Variants in TIPARP observed in about 807,000 individuals in gnomAD.
TIPARP encodes TCDD inducible poly(ADP-ribose) polymerase.
A neutral mutation model predicts 56.5 loss-of-function variants in TIPARP; 12 were observed. That is an observed-to-expected ratio of 0.21 (90% confidence interval 0.14 to 0.34). TIPARP has a LOEUF of 0.34. Ranked by LOEUF, TIPARP falls within the 10% of genes least tolerant of loss-of-function variation. TIPARP has a pLI of 1.00. For missense variants in TIPARP, 604 were observed against 781.6 expected (o/e 0.77, Z 2.71); for synonymous variants, 296 against 265.7 (o/e 1.11, Z -1.11).
chr3:156,704,162 G>A (rs1722921830), intron 5 of TIPARP, among the ~76,000 whole-genome samples: 1 of 152,098 alleles, frequency 6.6e-6, no homozygotes, highest in Non-Finnish European at 1.5e-5. Flanking sequence ...GACATAAGTA[G>A]GATTATTACA....
chr3:156,675,356 G>A (rs889942035), intron 1 of TIPARP: 2 of 152,432 alleles, frequency 1.3e-5, no homozygotes, highest in Non-Finnish European at 2.9e-5. Context: ...GCTCAGTTCT[G>A]CGAGCCCCCA....
chr3:156,689,727 A>C (rs1189857224), intron 2 of TIPARP, among the ~76,000 whole-genome samples: 1 of 152,190 alleles, frequency 6.6e-6, no homozygotes, highest in Non-Finnish European at 1.5e-5. Context: ...TCCCACATGA[A>C]CTGGGTGTGC....
At chr3:156,677,463 C>T (rs944583280) in intron 1 of TIPARP, among the ~76,000 whole-genome samples, 194 bp from the exon 2 acceptor site, 4 of 152,180 alleles carry the variant, frequency 2.6e-5, no homozygotes, top group Non-Finnish European at 5.9e-5. Flanking sequence ...CTGCTGTGTG[C>T]TTTTGAATAG....
Position 156,695,855 on chromosome 3 carries a change from TCCTCC to T in TIPARP, c.1087-9_1087-5del. On this transcript the variant is annotated splice_region_variant and splice_polypyrimidine_tract_variant and intron_variant, in intron 3 of 5. Transcript: ENST00000295924. Reference sequence around the variant, plus strand: ...TTTTTTTTTTTTTTGTTCTGTTTTCTCCTCCATAGTCTGTCATTCGATTGATTGAA... The same window carrying T: ...TTTTTTTTTTTTTTGTTCTGTTTTCTATAGTCTGTCATTCGATTGATTGAA... 6.6e-7 allele frequency: 1 copy of T among 1,519,168 alleles called. No homozygotes were observed. Among genetic ancestry groups the T allele is most frequent in the Non-Finnish European group, 8.8e-7 (1 of 1,141,786 alleles). 94.1% of individuals were successfully genotyped at this position (1,519,168 alleles called of 1,614,324 possible). A position where few individuals can be genotyped will look rare whatever the true frequency, so the allele number is the denominator to read the frequency against.
intron 4 of TIPARP, among the ~76,000 whole-genome samples, chr3:156,701,590 T>C (rs2108498077): frequency 6.6e-6 from 1 of 152,308 alleles, no homozygotes; most frequent in African/African-American, 2.4e-5. Flanking sequence ...AGATTAGTGA[T>C]GGCTTTTTAA....
intron 4 of TIPARP, among the ~76,000 whole-genome samples, chr3:156,701,357 G>T (rs1722840467): frequency 6.6e-6 from 1 of 152,196 alleles, no homozygotes. Flanking sequence ...GGCTAGGTTT[G>T]CTGTACAGGC....
chr3:156,675,240 C>A (rs549885586), intron 1 of TIPARP: 1 of 152,336 alleles, frequency 6.6e-6, no homozygotes, highest in African/African-American at 2.4e-5. Flanking sequence ...GGCTGCAGCC[C>A]AGAAGTTTGG....
Position 156,703,485 on chromosome 3 carries a change from A to T in TIPARP, c.1309A>T (p.Ile437Phe). The change falls in exon 5 of 6, where the codon ATT becomes TTT. Residue 437 changes from isoleucine to phenylalanine, a missense_variant. Transcript: ENST00000295924. ...PPLEATSSSQ[I>F]ICPDGVTSAN... ...TCTTGAAGCAACTTCATCATCACAA[A>T]TTATCTGCCCAGATGGGGTCACTTC... is the stretch of plus-strand genomic sequence containing the variant. 6.2e-7 allele frequency: 1 copy of T among 1,614,196 alleles called. No individual in the cohort carries two copies. Among genetic ancestry groups the T allele is most frequent in the Non-Finnish European group, 8.5e-7 (1 of 1,180,032 alleles).
Position 156,704,794 on chromosome 3 carries a change from A to G in TIPARP, c.1637A>G (p.Asn546Ser), listed in dbSNP as rs764935974. 2 of 1,614,242 alleles carry G rather than the reference A, an allele frequency of 1.2e-6. No individual in the cohort carries two copies. Among genetic ancestry groups the G allele is most frequent in the East Asian group, 2.2e-5 (1 of 44,892 alleles). The change falls in exon 6 of 6, where the codon AAC (asparagine) becomes AGC (serine). Residue 546 changes from asparagine to serine, a missense_variant. This residue lies in a region of TIPARP where 77 missense variants were observed against 161.0 expected (regional missense o/e 0.48). Transcript: ENST00000295924. ...QDVVDGICKH[N>S]FDPRVCGKHA... ...GTGGTAGATGGAATCTGCAAACACA[A>G]CTTTGACCCTCGAGTCTGTGGAAAG...
At chr3:156,691,660 GA>G (rs922125872) in intron 2 of TIPARP, among the ~76,000 whole-genome samples, 6 of 152,176 alleles carry the variant, frequency 3.9e-5, no homozygotes, top group South Asian at 4.2e-4. Context: ...AGATTGTGGA[GA>G]AAAAAACCTC....
intron 1 of TIPARP, chr3:156,675,777 A>AG (rs1382684796): frequency 2.7e-5 from 4 of 148,210 alleles, no homozygotes; most frequent in Non-Finnish European, 6.0e-5. Flanking sequence ...CAGCGTCACG[A>AG]GGTGAGGGGT....
chr3:156,674,760 C>G lies in TIPARP; in HGVS notation c.-78C>G, dbSNP rs889906305. 9 of 152,512 alleles carry G rather than the reference C, an allele frequency of 5.9e-5. No homozygotes were observed. Among genetic ancestry groups the G allele is most frequent in the African/African-American group, 2.2e-4 (9 of 41,454 alleles). 9.4% of individuals were successfully genotyped at this position (152,512 alleles called of 1,614,324 possible). A position where few individuals can be genotyped will look rare whatever the true frequency, so the allele number is the denominator to read the frequency against. ...TCCGGCGCGGGCACTGCTTTCCACT[C>G]GGCTCCTGTCGTCCGTTCTCTCAGG... On this transcript the variant is annotated 5_prime_UTR_variant, in exon 1 of 6. Transcript: ENST00000295924.
At chr3:156,693,976 T>A (rs1390403470) in intron 2 of TIPARP, 44 bp from the exon 3 acceptor site, 1 of 1,548,992 alleles carries the variant, frequency 6.5e-7, no homozygotes, top group Admixed American at 2.1e-5. Context: ...TTTACAAATT[T>A]ATTAACAGGT....
intron 2 of TIPARP, among the ~76,000 whole-genome samples, chr3:156,685,865 T>G (rs1722415862): frequency 6.6e-6 from 1 of 152,182 alleles, no homozygotes; most frequent in South Asian, 2.1e-4. Context: ...TTCAGAATCT[T>G]GCATGCACCC....
intron 1 of TIPARP, chr3:156,675,069 G>C (rs1045609184): frequency 6.6e-6 from 1 of 152,318 alleles, no homozygotes; most frequent in African/African-American, 2.4e-5. Context: ...AGTTGGGGTC[G>C]CAGGCGCCTG....
At chr3:156,683,942 T>C (rs1722365576) in intron 2 of TIPARP, among the ~76,000 whole-genome samples, 1 of 152,226 alleles carries the variant, frequency 6.6e-6, no homozygotes, top group South Asian at 2.1e-4. Flanking sequence ...ATGGTGATGA[T>C]TCTGGATTGC....
intron 1 of TIPARP, among the ~76,000 whole-genome samples, chr3:156,677,326 A>G (rs745780765): frequency 1.3e-5 from 2 of 151,966 alleles, no homozygotes; most frequent in Non-Finnish European, 2.9e-5. Context: ...AGTTATTTCT[A>G]CCTCCCATTT....
chr3:156,701,732 C>G lies in TIPARP; in HGVS notation c.1248-1692C>G, dbSNP rs1196525739. Among the ~76,000 whole-genome samples, 15 of 152,270 alleles carry G rather than the reference C, an allele frequency of 9.9e-5. No homozygotes were observed. In the South Asian group the frequency reaches 3.1e-3, roughly 32 times the overall value. On this transcript the variant is annotated intron_variant, in intron 4 of 5. Transcript: ENST00000295924. ...GGATCCAAAGGAATCTGTGTGGGCT[C>G]TGAGAAAATGCTACAGAGGACAAGG...
At chr3:156,682,673 G>A (rs576425406) in intron 2 of TIPARP, among the ~76,000 whole-genome samples, 1 of 152,324 alleles carries the variant, frequency 6.6e-6, no homozygotes, top group East Asian at 1.9e-4. Context: ...GCACAGCTGT[G>A]ATGATGTATG....
Sources: allele counts gnomAD v4.1 joint callset (sites outside exome capture counted in the v4.1 genomes callset), GRCh38; gene constraint gnomAD v4.1.1; regional missense constraint gnomAD v4.1.1; transcripts MANE v1.5; gene names NCBI Gene and HGNC (gene_info 2026-07-23, HGNC 2026-07-21).